Variants in ATG7 observed in about 807,000 individuals in gnomAD.
ATG7 encodes the protein ubiquitin-like modifier-activating enzyme ATG7.
In ATG7, 70 loss-of-function variants were observed where a neutral mutation model predicts 82.4. That is an observed-to-expected ratio of 0.85 (90% confidence interval 0.70 to 1.04). The LOEUF is 1.04. Ranked by LOEUF, ATG7 falls within the 50% of genes least tolerant of loss-of-function variation. The pLI, the probability that ATG7 is intolerant of heterozygous loss-of-function variation, is 0.00. For synonymous variants in ATG7, 287 were observed against 313.0 expected (o/e 0.92, Z 0.88); for missense variants, 792 against 864.3 (o/e 0.92, Z 1.05).
At chr3:11,354,477 C>T (rs925929969) in intron 14 of ATG7, among the ~76,000 whole-genome samples, 7 of 151,640 alleles carry the variant, frequency 4.6e-5, no homozygotes, top group African/African-American at 7.3e-5. Context: ...GGTGAAACCC[C>T]GTCTCTACTA....
intron 11 of ATG7, among the ~76,000 whole-genome samples, chr3:11,336,346 A>G (rs369842673): frequency 1.3e-5 from 2 of 152,080 alleles, no homozygotes; most frequent in South Asian, 4.1e-4. Context: ...GCTGACATTT[A>G]AACTCAGGAA....
intron 9 of ATG7, among the ~76,000 whole-genome samples, chr3:11,318,750 C>T (rs1283233977): frequency 6.6e-6 from 1 of 152,220 alleles, no homozygotes; most frequent in South Asian, 2.1e-4. Flanking sequence ...ATCCTGTGCT[C>T]TGGCTACCCC....
At chr3:11,376,978 A>T (rs1308928121) in intron 18 of ATG7, among the ~76,000 whole-genome samples, 1 of 152,140 alleles carries the variant, frequency 6.6e-6, no homozygotes, top group African/African-American at 2.4e-5. Context: ...TGACCTCATC[A>T]TCCGCCCTCC....
intron 20 of ATG7, among the ~76,000 whole-genome samples, chr3:11,500,472 G>T (rs138107536): frequency 6.6e-6 from 1 of 151,446 alleles, no homozygotes; most frequent in East Asian, 1.9e-4. Flanking sequence ...CAAATTAAAA[G>T]ACTAAAAACT....
chr3:11,509,915 T>C (rs765324955), intron 20 of ATG7, among the ~76,000 whole-genome samples: 1 of 152,196 alleles, frequency 6.6e-6, no homozygotes, highest in Admixed American at 6.5e-5. Context: ...AGGATCCTGA[T>C]AGTGATCTTG....
chr3:11,535,709 G>T (rs749069842), intron 20 of ATG7, among the ~76,000 whole-genome samples: 1 of 152,164 alleles, frequency 6.6e-6, no homozygotes, highest in Admixed American at 6.5e-5. Context: ...GTAAAGAAGC[G>T]GGGGCGTGCG....
At chr3:11,297,037 G>A (rs1336080940) in intron 3 of ATG7, among the ~76,000 whole-genome samples, 1 of 152,132 alleles carries the variant, frequency 6.6e-6, no homozygotes, top group African/African-American at 2.4e-5. Flanking sequence ...AAACCTCCCT[G>A]AGTAGATATG....
downstream of ATG7, chr3:11,559,516 G>A (rs576809325): frequency 1.1e-5 from 16 of 1,483,498 alleles, no homozygotes; most frequent in East Asian, 2.8e-4. Context: ...ACCACCCCTG[G>A]GGCCCTCCCC....
chr3:11,561,781 C>T (rs1395988701), downstream of ATG7, among the ~76,000 whole-genome samples: 1 of 152,138 alleles, frequency 6.6e-6, no homozygotes, highest in Non-Finnish European at 1.5e-5. Context: ...AACCCCTTCA[C>T]CCGCTGTCCC....
intron 20 of ATG7, among the ~76,000 whole-genome samples, chr3:11,484,884 T>A (rs566087541): frequency 1.3e-5 from 2 of 152,330 alleles, no homozygotes; most frequent in South Asian, 4.1e-4. Flanking sequence ...CATCATTTTT[T>A]ATGGCTGCAT....
chr3:11,565,372 G>A, the ATG7 span, among the ~76,000 whole-genome samples: 1 of 152,156 alleles, frequency 6.6e-6, no homozygotes, highest in Non-Finnish European at 1.5e-5. The surrounding 1 kb of genome is among the most constrained non-coding windows in gnomAD (Gnocchi z 4.1). Context: ...CTGCCATTTG[G>A]ACAGGACGGG....
At chr3:11,527,374 C>T (rs1017999731) in intron 20 of ATG7, among the ~76,000 whole-genome samples, 1 of 152,168 alleles carries the variant, frequency 6.6e-6, no homozygotes, top group Non-Finnish European at 1.5e-5. Context: ...GCTGGGATTA[C>T]AGGCATGAGC....
chr3:11,402,060 G>T (rs536326273), intron 19 of ATG7, among the ~76,000 whole-genome samples: 16 of 152,118 alleles, frequency 1.1e-4, no homozygotes, highest in Non-Finnish European at 2.4e-4. Context: ...ACTGAGACAG[G>T]AATAATAACA....
intron 20 of ATG7, among the ~76,000 whole-genome samples, chr3:11,510,725 AC>A (rs2092009337): frequency 6.6e-6 from 1 of 152,110 alleles, no homozygotes; most frequent in South Asian, 2.1e-4. Flanking sequence ...TTTCTTTTTC[AC>A]CTAGTGTTTT....
At chr3:11,565,645 G>A in the ATG7 span, among the ~76,000 whole-genome samples, 288 of 152,320 alleles carry the variant, frequency 1.9e-3, 1 homozygote, top group South Asian at 4.6e-3. This position sits in a 1 kb window ranked among gnomAD's most constrained non-coding sequence, Gnocchi z 4.1. Context: ...GGGAGCCGGC[G>A]CGCAGCTCTC....
chr3:11,436,032 G>A (rs1328497029), intron 20 of ATG7, among the ~76,000 whole-genome samples: 1 of 152,078 alleles, frequency 6.6e-6, no homozygotes, highest in Non-Finnish European at 1.5e-5. Flanking sequence ...CCCAGGAGCT[G>A]GAGACCAGCC....
intron 18 of ATG7, among the ~76,000 whole-genome samples, chr3:11,379,695 GC>G (rs1279001146): frequency 6.6e-6 from 1 of 152,130 alleles, no homozygotes; most frequent in Non-Finnish European, 1.5e-5. Flanking sequence ...ACTACAGCTT[GC>G]TTTTTGTATT....
chr3:11,373,010 ATTGTT>A (rs1241041031), intron 18 of ATG7, among the ~76,000 whole-genome samples: 1 of 151,208 alleles, frequency 6.6e-6, no homozygotes, highest in Non-Finnish European at 1.5e-5. Context: ...AGTATGGGTT[ATTGTT>A]TTGTTTGTTT....
intron 19 of ATG7, among the ~76,000 whole-genome samples, chr3:11,403,113 T>C (rs2079995186): frequency 6.6e-6 from 1 of 152,186 alleles, no homozygotes. Flanking sequence ...TAAATTTGTG[T>C]TTCTTAAAGA....
Sources: allele counts gnomAD v4.1 joint callset (sites outside exome capture counted in the v4.1 genomes callset), GRCh38; gene constraint gnomAD v4.1.1; non-coding constraint Gnocchi (gnomAD v3.1); transcripts MANE v1.5; gene names NCBI Gene and HGNC (gene_info 2026-07-23, HGNC 2026-07-21).